The following NDST3 variants were observed in gnomAD, a reference collection of about 807,000 sequenced individuals.
NDST3 encodes the protein N-deacetylase and N-sulfotransferase 3, also known as bifunctional heparan sulfate N-deacetylase/N-sulfotransferase 3.
In NDST3, 58 loss-of-function variants were observed where a neutral mutation model predicts 96.1. That is an observed-to-expected ratio of 0.60 (90% CI 0.49 to 0.75). The LOEUF is 0.75. Among genes scored for constraint, NDST3 ranks in the 30% least tolerant of loss-of-function variants. NDST3 has a pLI of 0.00. For synonymous variants in NDST3, 333 were observed against 359.7 expected (o/e 0.93, Z 0.84); for missense variants, 788 against 1,034.2 (o/e 0.76, Z 3.27).
rs746477315 is a variant in NDST3 at position 118,114,870 on chromosome 4, T to A, written c.1134T>A (p.Phe378Leu). Residue 378 changes from phenylalanine to leucine, a missense_variant, in exon 4 of 14, where the codon TTT (phenylalanine) becomes TTA (leucine). Physicochemically the swap from Phe to Leu is conservative, Grantham distance 22. This residue lies in a region of NDST3 where 490 missense variants were observed against 708.8 expected (regional missense o/e 0.69). Transcript: ENST00000296499. ...LLGSVDEFWW[F>L]PHMWSHMQPH... is the part of the protein sequence containing the mutation. ...GGTCTGTGGATGAGTTCTGGTGGTTTCCTCACATGTGGAGCCATATGCAGC... is the reference window on the plus strand; with the variant it reads ...GGTCTGTGGATGAGTTCTGGTGGTTACCTCACATGTGGAGCCATATGCAGC... The A allele has an allele frequency of 6.2e-7, 1 of 1,614,108 alleles. No individual in the cohort carries two copies. Among genetic ancestry groups the A allele is most frequent in the Non-Finnish European group, 8.5e-7 (1 of 1,179,984 alleles).
intron 2 of NDST3, among the ~76,000 whole-genome samples, chr4:118,103,357 G>A (rs1450528999): frequency 6.6e-6 from 1 of 152,098 alleles, no homozygotes; most frequent in East Asian, 1.9e-4. Flanking sequence ...AGGAAAGATA[G>A]GAAGGGTGGG....
At chr4:118,149,045 G>T (rs952969779) in intron 6 of NDST3, among the ~76,000 whole-genome samples, 4 of 151,910 alleles carry the variant, frequency 2.6e-5, no homozygotes, top group Non-Finnish European at 5.9e-5. Flanking sequence ...TCTCAGGTTT[G>T]TCAAAGATCA....
At chr4:118,084,543 T>C (rs1728270035) in intron 2 of NDST3, among the ~76,000 whole-genome samples, 1 of 152,180 alleles carries the variant, frequency 6.6e-6, no homozygotes, top group Admixed American at 6.5e-5. Context: ...AATGACAGTG[T>C]GACATCTTTG....
chr4:118,241,888 T>C (rs925434846), intron 11 of NDST3, 152 bp from the exon 12 acceptor site: 10 of 499,844 alleles, frequency 2.0e-5, no homozygotes, highest in African/African-American at 2.0e-4. Context: ...TCCAGGTCAT[T>C]AATGAGGATG....
intron 8 of NDST3, among the ~76,000 whole-genome samples, chr4:118,230,990 T>C (rs1740247152): frequency 6.6e-6 from 1 of 152,164 alleles, no homozygotes; most frequent in Admixed American, 6.6e-5. Context: ...TATTGCCATA[T>C]TTGTACCATT....
intron 6 of NDST3, among the ~76,000 whole-genome samples, chr4:118,177,352 T>A (rs1297022574): frequency 1.3e-5 from 2 of 152,076 alleles, no homozygotes; most frequent in African/African-American, 4.8e-5. Context: ...CTGTACAGCA[T>A]GAATTATTTC....
chr4:118,037,176 T>A (rs761297776), intron 1 of NDST3, among the ~76,000 whole-genome samples: 3 of 152,126 alleles, frequency 2.0e-5, no homozygotes, highest in Non-Finnish European at 2.9e-5. Context: ...TAGAAATTGA[T>A]CTGGAGGCCA....
intron 1 of NDST3, among the ~76,000 whole-genome samples, chr4:118,050,596 T>G (rs1725021897): frequency 6.6e-6 from 1 of 151,476 alleles, no homozygotes; most frequent in South Asian, 2.1e-4. Flanking sequence ...AAGCTGAGAG[T>G]CCAATGAAGA....
intron 2 of NDST3, among the ~76,000 whole-genome samples, chr4:118,103,580 G>A (rs1057110752): frequency 3.9e-5 from 6 of 152,106 alleles, no homozygotes; most frequent in African/African-American, 1.4e-4. Context: ...CCAGGGTCCA[G>A]CATCTGACCT....
At chr4:118,075,383 C>G (rs1350007175) in intron 2 of NDST3, among the ~76,000 whole-genome samples, 1 of 152,152 alleles carries the variant, frequency 6.6e-6, no homozygotes, top group Non-Finnish European at 1.5e-5. Context: ...TTTATAGTAG[C>G]ATGATTTATA....
rs7664383 is a variant in NDST3, at chr4:118,134,443, C to A, written c.1225-3611C>A. Among the ~76,000 whole-genome samples the A allele has an allele frequency of 5.5e-3, 841 of 152,166 alleles. 9 individuals are homozygous for A. The highest frequency in any genetic ancestry group is 0.019 in the African/African-American group (807 of 41,478). On this transcript the variant is annotated intron_variant, in intron 4 of 13. Coordinates refer to ENST00000296499, the MANE Select transcript of NDST3 (RefSeq NM_004784.3). ...TTGGAAGGAAGCAAGAGAGGGAATG[C>A]GATTCTATGCCAAAAGGCAATGGGA... is the stretch of plus-strand genomic sequence containing the variant.
chr4:118,063,239 T>C (rs776234918), intron 2 of NDST3, among the ~76,000 whole-genome samples: 7 of 148,608 alleles, frequency 4.7e-5, no homozygotes, highest in Non-Finnish European at 1.0e-4. Flanking sequence ...CCACGCATGA[T>C]ACAGGAGGGC....
chr4:118,083,567 T>A (rs1728184505), intron 2 of NDST3, among the ~76,000 whole-genome samples: 1 of 152,156 alleles, frequency 6.6e-6, no homozygotes, highest in Admixed American at 6.5e-5. Context: ...TGAGCCCACT[T>A]CCAAATGTAC....
chr4:118,247,925 T>A (rs1398874005), intron 12 of NDST3, among the ~76,000 whole-genome samples: 1 of 152,230 alleles, frequency 6.6e-6, no homozygotes, highest in East Asian at 1.9e-4. Context: ...TATTTTCAAT[T>A]CAGTATTCAC....
intron 6 of NDST3, among the ~76,000 whole-genome samples, chr4:118,223,643 C>T (rs985092455): frequency 5.3e-5 from 8 of 152,078 alleles, no homozygotes; most frequent in African/African-American, 1.9e-4. Flanking sequence ...CTTTTTCTCT[C>T]ATCTCTGTCA....
chr4:118,208,458 C>T (rs1738584487), intron 6 of NDST3, among the ~76,000 whole-genome samples: 1 of 144,170 alleles, frequency 6.9e-6, no homozygotes, highest in African/African-American at 2.6e-5. Context: ...TTAGCTGACT[C>T]TTGTATCTGG....
chr4:118,169,513 G>T (rs926658264), intron 6 of NDST3, among the ~76,000 whole-genome samples: 5 of 152,104 alleles, frequency 3.3e-5, no homozygotes, highest in Non-Finnish European at 7.4e-5. Flanking sequence ...CCTGAAGTGG[G>T]CCGGGCACAG....
intron 1 of NDST3, among the ~76,000 whole-genome samples, chr4:118,037,667 A>T (rs1724226533): frequency 6.6e-6 from 1 of 152,152 alleles, no homozygotes; most frequent in Non-Finnish European, 1.5e-5. Flanking sequence ...TTTACTAAGC[A>T]TCTACTTTTG....
intron 1 of NDST3, among the ~76,000 whole-genome samples, chr4:118,046,428 C>T (rs947298094): frequency 1.3e-5 from 2 of 152,224 alleles, no homozygotes; most frequent in African/African-American, 2.4e-5. Context: ...GCTCTAGCCA[C>T]AGCTGACCAC....
Sources: allele counts gnomAD v4.1 joint callset (sites outside exome capture counted in the v4.1 genomes callset), GRCh38; gene constraint gnomAD v4.1.1; regional missense constraint gnomAD v4.1.1; transcripts MANE v1.5; gene names NCBI Gene and HGNC (gene_info 2026-07-23, HGNC 2026-07-21).